The following HCRTR2 variants were observed in gnomAD, a reference collection of about 807,000 sequenced individuals.
HCRTR2 encodes orexin receptor type 2.
A neutral mutation model predicts 49.0 loss-of-function variants in HCRTR2; 22 were observed. That is an observed-to-expected ratio of 0.45 (90% CI 0.32 to 0.64). The LOEUF (loss-of-function observed/expected upper bound fraction) is 0.64, where lower values mean the gene tolerates loss of function less well. Ranked by LOEUF, HCRTR2 falls within the 30% of genes least tolerant of loss-of-function variation. HCRTR2 has a pLI of 0.04. For missense variants in HCRTR2, 491 were observed against 559.4 expected (o/e 0.88, Z 1.23); for synonymous variants, 236 against 205.3 (o/e 1.15, Z -1.28).
At chr6:55,129,832 C>A (rs2127245220) in intron 1 of HCRTR2, among the ~76,000 whole-genome samples, 1 of 152,082 alleles carries the variant, frequency 6.6e-6, no homozygotes, top group East Asian at 1.9e-4. Context: ...ACTTTTCCTG[C>A]AAGATGACAT....
Position 55,276,931 on chromosome 6 carries a change from C to T in HCRTR2, c.763-449C>T, listed in dbSNP as rs574844832. On this transcript the variant is annotated intron_variant, in intron 4 of 6. Transcript: ENST00000370862. Reference sequence around the variant, plus strand: ...CTACAGGTAGTTAAGTTCTATCTCTCTGGCAGCAGATGGCAGTATTGATGC... The same window carrying T: ...CTACAGGTAGTTAAGTTCTATCTCTTTGGCAGCAGATGGCAGTATTGATGC... 3.9e-5 allele frequency among the ~76,000 whole-genome samples: 6 copies of T among 152,310 alleles called. No individual in the cohort carries two copies. The East Asian group carries it at 1.2e-3, about 29-fold the overall frequency.
chr6:55,108,901 AG>A (rs1764011217), intron 1 of HCRTR2, among the ~76,000 whole-genome samples: 1 of 152,144 alleles, frequency 6.6e-6, no homozygotes, highest in African/African-American at 2.4e-5. Context: ...TTTTCTCAGC[AG>A]GGAGGCTTGT....
chr6:55,179,155 G>A (rs758307728), intron 1 of HCRTR2, among the ~76,000 whole-genome samples: 1 of 152,108 alleles, frequency 6.6e-6, no homozygotes. Flanking sequence ...GCAAGTTCAT[G>A]TTACTCCTAA....
At chr6:55,176,293 T>G (rs952061088) in intron 1 of HCRTR2, among the ~76,000 whole-genome samples, 1 of 152,218 alleles carries the variant, frequency 6.6e-6, no homozygotes, top group Non-Finnish European at 1.5e-5. Context: ...TTCCTTTGGT[T>G]GATTTAAAAG....
At chr6:55,258,396 G>T (rs1766693075) in intron 3 of HCRTR2, among the ~76,000 whole-genome samples, 1 of 152,078 alleles carries the variant, frequency 6.6e-6, no homozygotes, top group Non-Finnish European at 1.5e-5. Context: ...TTTTGGAAAA[G>T]TTCTGTAAAT....
intron 1 of HCRTR2, among the ~76,000 whole-genome samples, chr6:55,123,822 C>T (rs879954352): frequency 3.0e-4 from 46 of 152,250 alleles, no homozygotes; most frequent in Admixed American, 5.9e-4. Context: ...TTGGTCTATT[C>T]AGGGATTTGA....
intron 4 of HCRTR2, among the ~76,000 whole-genome samples, chr6:55,271,190 G>T (rs1766966391): frequency 6.6e-6 from 1 of 152,110 alleles, no homozygotes; most frequent in Non-Finnish European, 1.5e-5. Context: ...CTTCCATACA[G>T]TTAGTCATAT....
intron 1 of HCRTR2, among the ~76,000 whole-genome samples, chr6:55,229,255 C>G (rs980737281): frequency 1.3e-5 from 2 of 152,116 alleles, no homozygotes; most frequent in East Asian, 3.9e-4. Flanking sequence ...CATCAAACTC[C>G]AAGACTCAAG....
At chr6:55,174,337 G>C (rs1764995183), upstream of HCRTR2, 2 of 537,218 alleles carry the variant, frequency 3.7e-6, no homozygotes, top group Non-Finnish European at 3.4e-6. Flanking sequence ...GCAGCCTCCA[G>C]TGCCGGGTCC....
chr6:55,143,400 A>C (rs2127254026), intron 1 of HCRTR2, among the ~76,000 whole-genome samples: 1 of 152,294 alleles, frequency 6.6e-6, no homozygotes, highest in South Asian at 2.1e-4. Flanking sequence ...GGGTCTTGCT[A>C]TTGAAACTTT....
chr6:55,129,971 T>C (rs1390118400), intron 1 of HCRTR2, among the ~76,000 whole-genome samples: 1 of 152,062 alleles, frequency 6.6e-6, no homozygotes, highest in East Asian at 1.9e-4. Flanking sequence ...ACGTGTATTT[T>C]CCTGGACCCA....
chr6:55,216,440 G>T (rs1177083493), intron 1 of HCRTR2, among the ~76,000 whole-genome samples: 7 of 152,092 alleles, frequency 4.6e-5, no homozygotes, highest in African/African-American at 1.7e-4. Context: ...CCTTTCAGTT[G>T]TGAAATCAAA....
At chr6:55,138,727 G>C (rs1764464496) in intron 1 of HCRTR2, among the ~76,000 whole-genome samples, 1 of 152,182 alleles carries the variant, frequency 6.6e-6, no homozygotes, top group African/African-American at 2.4e-5. Flanking sequence ...TCTTTCTATA[G>C]TTACTCTCCG....
chr6:55,241,861 A>ATTTGTTTTTTTTTTTTT (rs1766338845), intron 1 of HCRTR2, among the ~76,000 whole-genome samples: 1 of 92,524 alleles, frequency 1.1e-5, no homozygotes, highest in Non-Finnish European at 2.1e-5. Context: ...ATGGCAACTA[A>ATTTGTTTTTTTTTTTTT]TTTTTTTTTT....
chr6:55,201,015 C>T (rs985404088), intron 1 of HCRTR2, among the ~76,000 whole-genome samples: 2 of 151,984 alleles, frequency 1.3e-5, no homozygotes, highest in Non-Finnish European at 2.9e-5. Context: ...ATCGCCTCTG[C>T]TTGCTACCAT....
chr6:55,220,520 A>C (rs1765870663), intron 1 of HCRTR2, among the ~76,000 whole-genome samples: 1 of 152,162 alleles, frequency 6.6e-6, no homozygotes, highest in Non-Finnish European at 1.5e-5. Flanking sequence ...TCGTAATAAA[A>C]ATACTCAACA....
In HCRTR2 at chr6:55,252,697, T is replaced by TAG. The variant is rs561455042; in HGVS notation, c.403-2436_403-2435dup. On this transcript the variant is annotated intron_variant, in intron 2 of 6. Transcript: ENST00000370862. ...ACTAATCAACTTAAGCCCATTCTCA[T>TAG]AGAGTCCAGCCCCTTAAAATTACAC... 4.6e-5 allele frequency among the ~76,000 whole-genome samples: 7 copies of TAG among 152,166 alleles called. No individual in the cohort carries two copies. In the East Asian group the frequency reaches 1.4e-3, roughly 29 times the overall value.
intron 2 of HCRTR2, among the ~76,000 whole-genome samples, chr6:55,252,297 A>G (rs1766565250): frequency 6.6e-6 from 1 of 152,138 alleles, no homozygotes; most frequent in Non-Finnish European, 1.5e-5. Flanking sequence ...GTGAACTGAT[A>G]TGAATTGATT....
intron 1 of HCRTR2, among the ~76,000 whole-genome samples, chr6:55,231,481 A>G (rs1038762558): frequency 1.3e-5 from 2 of 152,102 alleles, no homozygotes; most frequent in Admixed American, 6.6e-5. Context: ...CCACTTATTT[A>G]TTTCTAATTT....
Sources: allele counts gnomAD v4.1 joint callset (sites outside exome capture counted in the v4.1 genomes callset), GRCh38; gene constraint gnomAD v4.1.1; transcripts MANE v1.5; gene names NCBI Gene and HGNC (gene_info 2026-07-23, HGNC 2026-07-21).